UGT2A3: variants seen among roughly 807,000 people sequenced by gnomAD.
UGT2A3 encodes UDP glucuronosyltransferase family 2 member A3, also known as UDP-glucuronosyltransferase 2A3.
Under a neutral mutation model 44.1 loss-of-function variants are expected in UGT2A3, and 55 were observed. The ratio of observed to expected loss-of-function variants is 1.25; its 90% confidence interval spans 1.00 to 1.56. The LOEUF (loss-of-function observed/expected upper bound fraction) is 1.56. Ranked by LOEUF, UGT2A3 falls within the 40% of genes most tolerant of loss-of-function variation. The probability of loss-of-function intolerance (pLI) is 0.00; values close to 1 mark genes in which losing one functional copy is unlikely to be tolerated. For missense variants in UGT2A3, 733 were observed against 621.6 expected, an observed-to-expected ratio of 1.18 and a Z score of -1.91; for synonymous variants, 243 against 215.1, an observed-to-expected ratio of 1.13 and a Z score of -1.13.
At chr4:68,939,487 G>A (rs973267409) in intron 2 of UGT2A3, among the ~76,000 whole-genome samples, 31 of 152,102 alleles carry the variant, frequency 2.0e-4, no homozygotes, top group Admixed American at 1.1e-3. Context: ...GGGAAAACAC[G>A]CTAGCCATAT....
intron 3 of UGT2A3, 102 bp from the exon 4 acceptor site, chr4:68,931,344 G>A (rs1467564650): frequency 8.8e-6 from 8 of 911,280 alleles, no homozygotes; most frequent in Non-Finnish European, 1.2e-5. Flanking sequence ...TACTTCAGGT[G>A]ATGGTTGAGA....
chr4:68,944,532 T>C (rs534956118), intron 2 of UGT2A3, among the ~76,000 whole-genome samples: 6 of 151,962 alleles, frequency 3.9e-5, no homozygotes, highest in African/African-American at 1.4e-4. Context: ...ATAAATTTTT[T>C]CCTCTGATGA....
chr4:68,941,461 T>C (rs1327661423), intron 2 of UGT2A3, among the ~76,000 whole-genome samples: 2 of 151,930 alleles, frequency 1.3e-5, no homozygotes, highest in African/African-American at 4.8e-5. Context: ...ACTAGACCTC[T>C]ATCCCTCACC....
At chr4:68,950,035 T>C (rs12646720) in intron 1 of UGT2A3, among the ~76,000 whole-genome samples, 3,225 of 151,970 alleles carry the variant, frequency 0.021, 117 homozygotes, top group East Asian at 0.15. Context: ...AGGGGGCTTT[T>C]ACTATAATCC....
intron 2 of UGT2A3, among the ~76,000 whole-genome samples, chr4:68,939,553 G>T (rs1005898613): frequency 1.1e-4 from 16 of 152,062 alleles, no homozygotes; most frequent in African/African-American, 3.9e-4. Context: ...AATTTAAGAT[G>T]GATTAAAGAC....
In UGT2A3 at chr4:68,930,526, G is replaced by C. The variant is rs1210431141; in HGVS notation, c.1304+20C>G. 6.3e-7 allele frequency: 1 copy of C among 1,585,610 alleles called. No individual in the cohort carries two copies. The highest frequency in any genetic ancestry group is 1.3e-5 in the African/African-American group (1 of 74,114). On this transcript the variant is annotated intron_variant, in intron 5 of 5. Transcript: ENST00000251566. ...AACATAGTCAATGTTAGATCAGTCT[G>C]TACAAGCAGTAGTACTTACGAGGAA...
chr4:68,937,426 T>A (rs139412067), intron 2 of UGT2A3, among the ~76,000 whole-genome samples: 1 of 152,120 alleles, frequency 6.6e-6, no homozygotes, highest in Non-Finnish European at 1.5e-5. Flanking sequence ...ACTGCACAAC[T>A]ACATAGAAAC....
intron 1 of UGT2A3, among the ~76,000 whole-genome samples, chr4:68,948,598 T>C (rs192100176): frequency 6.6e-6 from 1 of 151,472 alleles, no homozygotes; most frequent in Non-Finnish European, 1.5e-5. Flanking sequence ...CAGATATGAA[T>C]CACTGCAGCT....
chr4:68,930,102 A>G lies in UGT2A3; in HGVS notation c.1305-10T>C, dbSNP rs564515965. The G allele has an allele frequency of 3.8e-6, 6 of 1,598,332 alleles. No homozygotes were observed. The Admixed American group carries it at 8.6e-5, about 23-fold the overall frequency. Reference sequence around the variant, plus strand: ...AGCATTCTCTTTATAACTGGAAGGGAAAAACACACATAGAACTTAGAAAGT... The same window carrying G: ...AGCATTCTCTTTATAACTGGAAGGGGAAAACACACATAGAACTTAGAAAGT... On this transcript the variant is annotated splice_polypyrimidine_tract_variant and intron_variant, in intron 5 of 5. Transcript: ENST00000251566.
At chr4:68,935,758 C>T (rs1435224210) in intron 2 of UGT2A3, among the ~76,000 whole-genome samples, 1 of 151,950 alleles carries the variant, frequency 6.6e-6, no homozygotes, top group African/African-American at 2.4e-5. Flanking sequence ...TAATAACAAA[C>T]TTCTCTGAGC....
At position 68,951,167 on chromosome 4, in the gene UGT2A3, T is replaced by A. The variant is rs1359341165; in HGVS notation, c.594A>T (p.Gly198=). ...CCAGAAAGGTCATTCTGTCTGTTAG[T>A]CCTGTCATAGGCACAGGTACATAGG... ...PLSYVPVPMT[G]LTDRMTFLER... Residue 198 remains glycine, a synonymous_variant, in exon 1 of 6, where the codon GGA becomes GGT. Coordinates refer to ENST00000251566, the MANE Select transcript of UGT2A3 (RefSeq NM_024743.4). 1 of 1,611,944 alleles carries A rather than the reference T, an allele frequency of 6.2e-7. No homozygotes were observed. The highest frequency in any genetic ancestry group is 1.3e-5 in the African/African-American group (1 of 74,794).
chr4:68,945,315 A>T lies in UGT2A3; in HGVS notation c.855T>A (p.Ala285=). ...VGGLHCKPAK[A]LPKEMENFVQ... is the part of the protein sequence containing the mutation. ...AATACAATAGTCCTACCTTAGGCAA[A>T]GCTTTGGCAGGTTTACAGTGCAATC... The change falls in exon 2 of 6, where the codon GCT becomes GCA. Residue 285 remains alanine, a synonymous_variant. Coordinates refer to ENST00000251566, the MANE Select transcript of UGT2A3 (RefSeq NM_024743.4). 6.2e-7 allele frequency: 1 copy of T among 1,611,256 alleles called. No homozygotes were observed. Among genetic ancestry groups the T allele is most frequent in the Non-Finnish European group, 8.5e-7 (1 of 1,178,326 alleles).
chr4:68,948,430 C>CT (rs1553902662), intron 1 of UGT2A3, among the ~76,000 whole-genome samples: 2 of 69,698 alleles, frequency 2.9e-5, no homozygotes, highest in African/African-American at 4.0e-5. Context: ...TTTTTCTTTT[C>CT]TTTTTTTTCT....
At position 68,945,293 on chromosome 4, in the gene UGT2A3, A is replaced by G; in HGVS notation, c.864+13T>C. On this transcript the variant is annotated intron_variant, in intron 2 of 5. Transcript: ENST00000251566. ...CATAAAGTACATAATATTCCTTAAT[A>G]CAATAGTCCTACCTTAGGCAAAGCT... is the stretch of plus-strand genomic sequence containing the variant. The G allele has an allele frequency of 1.9e-6, 3 of 1,610,606 alleles. No individual in the cohort carries two copies. Among genetic ancestry groups the G allele is most frequent in the Non-Finnish European group, 2.5e-6 (3 of 1,177,980 alleles).
intron 5 of UGT2A3, 136 bp downstream of exon 5, chr4:68,930,410 G>A: frequency 1.1e-6 from 1 of 875,240 alleles, no homozygotes; most frequent in Non-Finnish European, 1.7e-6. Context: ...AACTATTCCA[G>A]TAACAAGGTG....
chr4:68,951,736 C>T lies in UGT2A3; in HGVS notation c.25G>A (p.Val9Ile), dbSNP rs920483135. Residue 9 changes from valine to isoleucine, a missense_variant, in exon 1 of 6, where the codon GTA becomes ATA. By Grantham distance (29) the Val-to-Ile change is conservative (BLOSUM62 3). Transcript: ENST00000251566. ...CAGAAGAGCTGCAGGAGCAGAAATA[C>T]CAAAGCTGACTTGTCAGACCTCATG... MRSDKSAL[V>I]FLLLQLFCVG... 29 of 1,599,158 alleles carry T rather than the reference C, an allele frequency of 1.8e-5. No individual in the cohort carries two copies. The highest frequency in any genetic ancestry group is 2.2e-5 in the Non-Finnish European group (26 of 1,172,752).
chr4:68,944,829 C>T (rs1341411163), intron 2 of UGT2A3, among the ~76,000 whole-genome samples: 1 of 151,764 alleles, frequency 6.6e-6, no homozygotes, highest in Non-Finnish European at 1.5e-5. Context: ...AACACTTAAA[C>T]TTTCCATTTA....
chr4:68,947,856 T>C (rs1718436325), intron 1 of UGT2A3, among the ~76,000 whole-genome samples: 2 of 151,836 alleles, frequency 1.3e-5, no homozygotes, highest in Non-Finnish European at 2.9e-5. Flanking sequence ...GTCTCAACAG[T>C]GTGCTTAAAA....
chr4:68,929,800 A>G lies in UGT2A3; in HGVS notation c.*13T>C. On this transcript the variant is annotated 3_prime_UTR_variant, in exon 6 of 6. Transcript: ENST00000251566. ...GGATTACCCCATCAGGTCTTTCTTG[A>G]ATTTGGAAAGATCTATTCCCTCTTT... 1 of 1,556,034 alleles carries G rather than the reference A, an allele frequency of 6.4e-7. No individual in the cohort carries two copies. The highest frequency in any genetic ancestry group is 8.7e-7 in the Non-Finnish European group (1 of 1,148,936).
Sources: allele counts gnomAD v4.1 joint callset (sites outside exome capture counted in the v4.1 genomes callset), GRCh38; gene constraint gnomAD v4.1.1; transcripts MANE v1.5; gene names NCBI Gene and HGNC (gene_info 2026-07-23, HGNC 2026-07-21).